The following DCAF5 variants were observed in gnomAD, a reference collection of about 807,000 sequenced individuals.
The protein encoded by DCAF5 is DDB1 and CUL4 associated factor 5, also known as DDB1- and CUL4-associated factor 5.
A neutral mutation model predicts 80.7 loss-of-function variants in DCAF5; 9 were observed. The ratio of observed to expected loss-of-function variants is 0.11; its 90% CI spans 0.07 to 0.19. The LOEUF (loss-of-function observed/expected upper bound fraction) is 0.19. Ranked by LOEUF, DCAF5 falls within the 10% of genes least tolerant of loss-of-function variation. DCAF5 has a pLI of 1.00. For missense variants in DCAF5, 842 were observed against 1,205.7 expected (o/e 0.70, Z 4.47); for synonymous variants, 433 against 461.9 (o/e 0.94, Z 0.80).
At chr14:69,115,629 C>A (rs2040519817) in intron 5 of DCAF5, among the ~76,000 whole-genome samples, 1 of 152,140 alleles carries the variant, frequency 6.6e-6, no homozygotes, top group Non-Finnish European at 1.5e-5. Flanking sequence ...AGTCCCTCCC[C>A]CATGGGACTT....
intron 6 of DCAF5, chr14:69,091,109 A>G (rs2039518318): frequency 2.6e-6 from 2 of 757,204 alleles, no homozygotes; most frequent in East Asian, 2.4e-5. Flanking sequence ...TGAGACTCAG[A>G]AAAGGCTGGA....
intron 6 of DCAF5, chr14:69,083,563 T>G (rs1401461797): frequency 2.4e-6 from 1 of 422,646 alleles, no homozygotes; most frequent in Non-Finnish European, 4.5e-6. Flanking sequence ...GGTTAAAAAA[T>G]CAAAACATTC....
At chr14:69,079,762 A>G (rs1353190816) in intron 6 of DCAF5, among the ~76,000 whole-genome samples, 1 of 152,174 alleles carries the variant, frequency 6.6e-6, no homozygotes, top group Non-Finnish European at 1.5e-5. Context: ...TGAAGCTTAC[A>G]TTCCATTAAT....
chr14:69,091,683 A>G lies in DCAF5; in HGVS notation c.870T>C (p.Asp290=). The change falls in exon 6 of 9, where the codon GAT becomes GAC. Residue 290 remains aspartate (D), a synonymous_variant. Coordinates refer to ENST00000341516, the MANE Select transcript of DCAF5 (RefSeq NM_003861.3). ...GGCAGACAGCATTTACCTGGTCACG[A>G]TCTCCTGCAAAACAGCAGCTTTTCA... ...CTMKSCCFAG[D]RDQYILSGSD... 3 of 1,614,080 alleles carry G rather than the reference A, an allele frequency of 1.9e-6. No homozygotes were observed. Among genetic ancestry groups the G allele is most frequent in the Non-Finnish European group, 2.5e-6 (3 of 1,179,918 alleles).
chr14:69,120,927 G>A (rs1317756253), intron 2 of DCAF5, among the ~76,000 whole-genome samples: 2 of 152,190 alleles, frequency 1.3e-5, no homozygotes, highest in African/African-American at 4.8e-5. Flanking sequence ...TCCTTCATAA[G>A]CAGGGTGAAA....
chr14:69,137,132 C>T (rs2041219749), intron 1 of DCAF5, among the ~76,000 whole-genome samples: 1 of 152,064 alleles, frequency 6.6e-6, no homozygotes, highest in Non-Finnish European at 1.5e-5. Context: ...CTTGTAAGTA[C>T]CATATGCTGA....
intron 5 of DCAF5, among the ~76,000 whole-genome samples, chr14:69,105,144 A>T (rs2140016103): frequency 6.6e-6 from 1 of 152,294 alleles, no homozygotes; most frequent in Admixed American, 6.5e-5. Context: ...GGTGTAATAT[A>T]CCCAAAATAA....
At chr14:69,126,228 G>C (rs986165437) in intron 1 of DCAF5, among the ~76,000 whole-genome samples, 1 of 147,820 alleles carries the variant, frequency 6.8e-6, no homozygotes, top group African/African-American at 2.5e-5. Context: ...CGCAATCTCA[G>C]CTCACTGCAA....
intron 5 of DCAF5, among the ~76,000 whole-genome samples, chr14:69,102,594 A>ACACACACT (rs2039998270): frequency 8.7e-6 from 1 of 114,540 alleles, no homozygotes; most frequent in African/African-American, 2.9e-5. Flanking sequence ...AAACAAAGAC[A>ACACACACT]CACACACACA....
chr14:69,108,997 C>T (rs1005427544), intron 5 of DCAF5, among the ~76,000 whole-genome samples: 21 of 152,220 alleles, frequency 1.4e-4, no homozygotes, highest in African/African-American at 4.8e-4. Flanking sequence ...AAGATAAATA[C>T]CCACTTGAAG....
Position 69,062,308 on chromosome 14 carries a change from C to T in DCAF5, c.1074+76G>A, listed in dbSNP as rs962623143. ...TAGTATGTTTAAATATGAGGTCCTA[C>T]ATAAATTGTTCTAGTTTCTTCTAAT... On this transcript the variant is annotated intron_variant, in intron 8 of 8. Transcript: ENST00000341516. The T allele has an allele frequency of 4.0e-6, 6 of 1,501,380 alleles. No homozygotes were observed. The African/African-American group carries it at 7.0e-5, about 17-fold the overall frequency. The allele number at this position is 1,501,380 out of a possible 1,614,324, so 93.0% of individuals were successfully genotyped here.
chr14:69,147,246 C>T (rs1277972204), intron 1 of DCAF5, among the ~76,000 whole-genome samples: 2 of 152,216 alleles, frequency 1.3e-5, no homozygotes, highest in African/African-American at 2.4e-5. Context: ...CAGTTCACCT[C>T]ATGGAGATCT....
At chr14:69,057,660 C>T (rs1181277560) in intron 8 of DCAF5, among the ~76,000 whole-genome samples, 2 of 152,186 alleles carry the variant, frequency 1.3e-5, no homozygotes, top group Admixed American at 6.5e-5. Flanking sequence ...CTGAGGTAGA[C>T]TGTTCATTCC....
chr14:69,116,600 A>T, intron 4 of DCAF5, 105 bp from the exon 5 acceptor site: 1 of 1,380,140 alleles, frequency 7.2e-7, no homozygotes. Context: ...TTTAATAACC[A>T]CTCCAACGGC....
intron 5 of DCAF5, among the ~76,000 whole-genome samples, chr14:69,100,350 G>A (rs1487940863): frequency 6.6e-6 from 1 of 152,164 alleles, no homozygotes; most frequent in Non-Finnish European, 1.5e-5. Context: ...AATTTAGAGA[G>A]CCTCTTAATG....
In DCAF5 at chr14:69,084,955, C is replaced by A. The variant is rs2039260693; in HGVS notation, c.879+6719G>T. The A allele has an allele frequency of 5.6e-6, 8 of 1,422,826 alleles. No individual in the cohort carries two copies. In the Admixed American group the frequency reaches 1.2e-4, roughly 21 times the overall value. 88.1% of individuals were successfully genotyped at this position (1,422,826 alleles called of 1,614,324 possible). On this transcript the variant is annotated intron_variant, in intron 6 of 8. Transcript: ENST00000341516. ...AGAGACCTAAATGGGAGAAGGCATG[C>A]CTTGCTCATTTTGCACCCAGAAGAA... is the stretch of plus-strand genomic sequence containing the variant.
chr14:69,096,406 T>C (rs1019856890), intron 5 of DCAF5, among the ~76,000 whole-genome samples: 2 of 152,224 alleles, frequency 1.3e-5, no homozygotes, highest in African/African-American at 4.8e-5. Flanking sequence ...GATATACAGA[T>C]GAATTCAGTA....
chr14:69,055,704 C>T lies in DCAF5; in HGVS notation c.1075-93G>A. On this transcript the variant is annotated intron_variant, in intron 8 of 8. Transcript: ENST00000341516. The surrounding 1 kb of genome is among the most constrained non-coding windows in gnomAD (Gnocchi z 5.6). ...AAAGAACACCAAGGCAGAACTTCCC[C>T]AGACTCTCCCTGTAATTTAACTAGG... The T allele has an allele frequency of 7.9e-7, 1 of 1,272,268 alleles. No individual in the cohort carries two copies. The highest frequency in any genetic ancestry group is 1.1e-6 in the Non-Finnish European group (1 of 913,946). 78.8% of individuals were successfully genotyped at this position (1,272,268 alleles called of 1,614,324 possible). A position where few individuals can be genotyped will look rare whatever the true frequency, so the allele number is the denominator to read the frequency against.
intron 5 of DCAF5, 96 bp downstream of exon 5, chr14:69,116,270 T>C: frequency 7.0e-7 from 1 of 1,428,062 alleles, no homozygotes. Context: ...CAGAGATAAC[T>C]GCCAAAGAGG....
Sources: gnomAD v4.1 joint callset for allele counts (sites outside exome capture counted in the v4.1 genomes callset) on GRCh38, gnomAD v4.1.1 for gene constraint, Gnocchi (gnomAD v3.1) non-coding constraint, MANE v1.5 for transcripts, NCBI Gene and HGNC (gene_info 2026-07-23, HGNC 2026-07-21) for gene names.